The following MTUS1 variants were observed in gnomAD, a reference collection of about 807,000 sequenced individuals.
MTUS1 encodes microtubule-associated tumor suppressor 1.
Under a neutral mutation model 120.8 loss-of-function variants are expected in MTUS1, and 109 were observed. That is an observed-to-expected ratio of 0.90 (90% CI 0.77 to 1.06). The LOEUF (loss-of-function observed/expected upper bound fraction) is 1.06. MTUS1 is among the 50% of genes least tolerant of loss of function. MTUS1 has a pLI of 0.00. For missense variants in MTUS1, 2,210 were observed against 1,486.3 expected (o/e 1.49, Z -8.01); for synonymous variants, 737 against 550.5 (o/e 1.34, Z -4.74).
chr8:17,761,915 T>C (rs2049064356), intron 1 of MTUS1, among the ~76,000 whole-genome samples: 1 of 152,218 alleles, frequency 6.6e-6, no homozygotes, highest in Non-Finnish European at 1.5e-5. Context: ...TTACCTGATC[T>C]TCAACCTCCC....
chr8:17,755,657 G>C lies in MTUS1; in HGVS notation c.151C>G (p.Pro51Ala), dbSNP rs1412273165. The change falls in exon 2 of 15, where the codon CCA (proline) becomes GCA (alanine). Residue 51 changes from proline (P) to alanine (A), a missense_variant. Coordinates refer to ENST00000693296, the MANE Select transcript of MTUS1 (RefSeq NM_001363059.2). ...ASSVNWNSAN[P>A]DDMVVDYETD... ...TCATAATCAACCACCATGTCATCTG[G>C]GTTGGCAGAATTCCAGTTCACACTG... 4 of 1,614,176 alleles carry C rather than the reference G, an allele frequency of 2.5e-6. No individual in the cohort carries two copies. Among genetic ancestry groups the C allele is most frequent in the Admixed American group, 3.3e-5 (2 of 60,030 alleles).
intron 6 of MTUS1, chr8:17,691,410 A>C (rs1278893176): frequency 6.6e-6 from 1 of 152,264 alleles, no homozygotes; most frequent in African/African-American, 2.4e-5. Context: ...TACAGCTCTA[A>C]AACCGCCACA....
chr8:17,743,444 G>C (rs1007195400), intron 3 of MTUS1, among the ~76,000 whole-genome samples, 160 bp downstream of exon 3: 18 of 152,184 alleles, frequency 1.2e-4, no homozygotes, highest in African/African-American at 4.3e-4. Context: ...TCAAAGATAA[G>C]GGATATATGT....
chr8:17,667,691 A>T (rs897340793), intron 8 of MTUS1, among the ~76,000 whole-genome samples: 1 of 152,252 alleles, frequency 6.6e-6, no homozygotes, highest in African/African-American at 2.4e-5. Flanking sequence ...AATCTTTTAA[A>T]TCATTTCATC....
Position 17,655,802 on chromosome 8 carries a change from C to T in MTUS1, c.3108+61G>A, listed in dbSNP as rs573927214. 2.8e-6 allele frequency: 4 copies of T among 1,444,218 alleles called. No individual in the cohort carries two copies. In the Admixed American group the frequency reaches 6.7e-5, roughly 24 times the overall value. 89.5% of individuals were successfully genotyped at this position (1,444,218 alleles called of 1,614,324 possible). A position where few individuals can be genotyped will look rare whatever the true frequency, so the allele number is the denominator to read the frequency against. On this transcript the variant is annotated intron_variant, in intron 9 of 14. Transcript: ENST00000693296. ...GAGAAGCTCATCAAGATGTGAAGAG[C>T]AACCAGGATTCAAGTAAGCAGCAGA...
At chr8:17,702,623 A>C (rs1819326453) in intron 6 of MTUS1, among the ~76,000 whole-genome samples, 1 of 152,196 alleles carries the variant, frequency 6.6e-6, no homozygotes. Context: ...GTGGAATCAT[A>C]CAGTATTTGC....
In MTUS1 at chr8:17,720,638, C is replaced by T. The variant is rs536126127; in HGVS notation, c.2449+3034G>A. ...TTGGACCTTACTTTCCTGCTAACAT[C>T]GCAAAGTTATACACTCTCCCAAGAC... On this transcript the variant is annotated intron_variant, in intron 4 of 14. Coordinates refer to ENST00000693296, the MANE Select transcript of MTUS1 (RefSeq NM_001363059.2). Among the ~76,000 whole-genome samples, 6 of 152,232 alleles carry T rather than the reference C, an allele frequency of 3.9e-5. No individual in the cohort carries two copies. The East Asian group carries it at 7.7e-4, about 20-fold the overall frequency.
chr8:17,657,865 G>C (rs1037425540), intron 8 of MTUS1, among the ~76,000 whole-genome samples: 3 of 149,722 alleles, frequency 2.0e-5, no homozygotes, highest in South Asian at 2.1e-4. Flanking sequence ...GTATACATAG[G>C]TACATATGTG....
intron 8 of MTUS1, among the ~76,000 whole-genome samples, chr8:17,667,993 G>A (rs964088537): frequency 6.6e-6 from 1 of 152,168 alleles, no homozygotes; most frequent in Non-Finnish European, 1.5e-5. Context: ...GTGAATTAAG[G>A]ATTAAAATCT....
chr8:17,690,928 A>C (rs939207626), intron 6 of MTUS1, among the ~76,000 whole-genome samples: 1 of 152,228 alleles, frequency 6.6e-6, no homozygotes, highest in Non-Finnish European at 1.5e-5. Context: ...AGAAAATAAT[A>C]TGCATATACT....
At chr8:17,673,610 C>A (rs1277200513) in intron 8 of MTUS1, among the ~76,000 whole-genome samples, 1 of 152,146 alleles carries the variant, frequency 6.6e-6, no homozygotes, top group Non-Finnish European at 1.5e-5. Context: ...CACCACCATG[C>A]TTGGCTGATT....
intron 8 of MTUS1, among the ~76,000 whole-genome samples, chr8:17,668,731 A>G (rs1478733610): frequency 6.6e-6 from 1 of 152,150 alleles, no homozygotes; most frequent in Non-Finnish European, 1.5e-5. Flanking sequence ...ATTTGGGTCA[A>G]CTTGAATCAC....
At chr8:17,799,412 A>C (rs974115435) in intron 1 of MTUS1, among the ~76,000 whole-genome samples, 1 of 152,062 alleles carries the variant, frequency 6.6e-6, no homozygotes, top group African/African-American at 2.4e-5. Flanking sequence ...TATAACTATA[A>C]AAAATTTTTC....
chr8:17,653,234 T>A lies in MTUS1; in HGVS notation c.3336A>T (p.Lys1112Asn). 2 of 1,558,530 alleles carry A rather than the reference T, an allele frequency of 1.3e-6. No homozygotes were observed. The highest frequency in any genetic ancestry group is 1.7e-6 in the Non-Finnish European group (2 of 1,156,774). Residue 1112 changes from lysine to asparagine, a missense_variant, in exon 12 of 15, where the codon AAA becomes AAT. Coordinates refer to ENST00000693296, the MANE Select transcript of MTUS1 (RefSeq NM_001363059.2). ...LKSENDALNE[K>N]LKSEEQKRRA... is the part of the protein sequence containing the mutation. The stretch of plus-strand genomic sequence containing the variant: ...TTCTTTTTTGTTCTTCTGATTTCAA[T>A]TTTTCATTTAAAGCATCATTTTCAC...
At chr8:17,647,345 T>C (rs1331805157) in intron 13 of MTUS1, 4 of 333,320 alleles carry the variant, frequency 1.2e-5, no homozygotes, top group African/African-American at 8.6e-5. Flanking sequence ...TCATGTTGTT[T>C]TGGAATTCTC....
intron 2 of MTUS1, among the ~76,000 whole-genome samples, chr8:17,748,802 A>G (rs150443044): frequency 1.4e-4 from 22 of 152,270 alleles, no homozygotes; most frequent in African/African-American, 4.8e-4. Context: ...AGTATTACCC[A>G]CTGCACTAGG....
chr8:17,784,924 A>G (rs923577777), intron 1 of MTUS1, among the ~76,000 whole-genome samples: 2 of 151,914 alleles, frequency 1.3e-5, no homozygotes, highest in South Asian at 2.1e-4. Flanking sequence ...AGCTGGGATT[A>G]TAAGTGTGCA....
chr8:17,757,658 C>T (rs2048725698), intron 1 of MTUS1, among the ~76,000 whole-genome samples: 2 of 152,222 alleles, frequency 1.3e-5, no homozygotes, highest in Middle Eastern at 3.4e-3. Context: ...TCCTGAGTAG[C>T]AGGGACTACA....
Position 17,655,981 on chromosome 8 carries a change from T to C in MTUS1, c.2990A>G (p.Gln997Arg), listed in dbSNP as rs373832107. ...TVYEAFVQQHQAEKTERENRL... is the reference protein window; with the variant it reads ...TVYEAFVQQHRAEKTERENRL... The stretch of plus-strand genomic sequence containing the variant: ...ATTCTCTCGTTCTGTTTTTTCAGCC[T>C]GGTGCTGCTGGACGAATGCTTCATA... Residue 997 changes from glutamine (Q) to arginine (R), a missense_variant, in exon 9 of 15, where the codon CAG becomes CGG. By Grantham distance (43) the Gln-to-Arg change is conservative. Transcript: ENST00000693296. The C allele has an allele frequency of 1.4e-5, 23 of 1,614,126 alleles. No homozygotes were observed. Among genetic ancestry groups the C allele is most frequent in the Middle Eastern group, 1.6e-4 (1 of 6,084 alleles).
Sources: allele counts gnomAD v4.1 joint callset (sites outside exome capture counted in the v4.1 genomes callset), GRCh38; gene constraint gnomAD v4.1.1; transcripts MANE v1.5; gene names NCBI Gene and HGNC (gene_info 2026-07-23, HGNC 2026-07-21).